Variants in PLEKHA3 observed in about 807,000 individuals in gnomAD.
PLEKHA3 encodes the protein pleckstrin homology domain-containing family A member 3.
PLEKHA3 carries 19 observed loss-of-function variants against 39.2 expected under a neutral mutation model. The observed-to-expected ratio is 0.48, with a 90% CI of 0.34 to 0.71. The LOEUF (loss-of-function observed/expected upper bound fraction) is 0.71. Among genes scored for constraint, PLEKHA3 ranks in the 30% least tolerant of loss-of-function variants. PLEKHA3 has a pLI of 0.01. For synonymous variants in PLEKHA3, 97 were observed against 118.6 expected, an observed-to-expected ratio of 0.82 and a Z score of 1.18; for missense variants, 253 against 359.5, an observed-to-expected ratio of 0.70 and a Z score of 2.40.
intron 3 of PLEKHA3, among the ~76,000 whole-genome samples, 196 bp downstream of exon 3, chr2:178,491,010 CTT>C (rs1204723389): frequency 6.2e-5 from 8 of 129,478 alleles, no homozygotes; most frequent in Admixed American, 8.0e-5. Context: ...CTCTTTCTTT[CTT>C]TTTTTTTTTT....
intron 1 of PLEKHA3, among the ~76,000 whole-genome samples, chr2:178,483,480 G>T (rs1339731857): frequency 6.6e-6 from 1 of 152,082 alleles, no homozygotes; most frequent in African/African-American, 2.4e-5. Context: ...ATAATTAACA[G>T]GCTTGATTAT....
rs369260656 is a variant in PLEKHA3 at position 178,485,238 on chromosome 2, A to G, written c.41-403A>G. On this transcript the variant is annotated intron_variant, in intron 1 of 7. Transcript: ENST00000234453. ...TGATTATCCATTAAAGAATGATACT[A>G]TAGGTAAGGCTAGAACCCTTGTCTT... Among the ~76,000 whole-genome samples the G allele has an allele frequency of 5.3e-5, 8 of 152,346 alleles. No homozygotes were observed. The South Asian group carries it at 1.7e-3, about 32-fold the overall frequency.
In PLEKHA3 at chr2:178,509,480, T is replaced by A. The variant is rs1685650032; in HGVS notation, c.*5593T>A. On this transcript the variant is annotated 3_prime_UTR_variant, in exon 8 of 8. Transcript: ENST00000234453. ...CATTATTATTATTACTACTATCAGT[T>A]TTTTTTTTTTTTTCTGAGACAGGGT... is the stretch of plus-strand genomic sequence containing the variant. 1 of 149,294 alleles carries A rather than the reference T, an allele frequency of 6.7e-6. No homozygotes were observed. Among genetic ancestry groups the A allele is most frequent in the East Asian group, 1.9e-4 (1 of 5,146 alleles). 9.2% of individuals were successfully genotyped at this position (149,294 alleles called of 1,614,324 possible).
intron 4 of PLEKHA3, 58 bp from the exon 5 acceptor site, chr2:178,495,438 G>T: frequency 1.3e-6 from 2 of 1,483,998 alleles, no homozygotes; most frequent in Non-Finnish European, 9.4e-7. Context: ...TGATAAGGTT[G>T]TATATGATTC....
chr2:178,495,362 A>G, intron 4 of PLEKHA3, 134 bp from the exon 5 acceptor site: 1 of 809,752 alleles, frequency 1.2e-6, no homozygotes, highest in East Asian at 2.9e-5. Context: ...TTTCTAAGGT[A>G]CTGTATTTTA....
intron 5 of PLEKHA3, among the ~76,000 whole-genome samples, chr2:178,497,845 C>T (rs111882666): frequency 0.075 from 11,323 of 151,832 alleles, 505 homozygotes; most frequent in South Asian, 0.098. Flanking sequence ...CTCTGTAGTC[C>T]AGAGAAGTCA....
At chr2:178,500,746 T>A (rs1036440998) in intron 6 of PLEKHA3, among the ~76,000 whole-genome samples, 1 of 152,114 alleles carries the variant, frequency 6.6e-6, no homozygotes, top group Admixed American at 6.6e-5. Context: ...ATGAAACCTA[T>A]GACTTCTAGT....
intron 5 of PLEKHA3, among the ~76,000 whole-genome samples, chr2:178,498,034 CAATTT>C (rs1456443128): frequency 4.6e-5 from 7 of 151,876 alleles, no homozygotes; most frequent in Admixed American, 4.6e-4. Flanking sequence ...TATTCCAAAA[CAATTT>C]AATCTGATCT....
rs1328221796 is a variant in PLEKHA3, at chr2:178,507,520, T to A, written c.*3633T>A. On this transcript the variant is annotated 3_prime_UTR_variant, in exon 8 of 8. Transcript: ENST00000234453. ...GTATCAATTCTCTTAAAAAAGTTTT[T>A]AAAAATATTTTGTCATCCTTTAGGG... is the stretch of plus-strand genomic sequence containing the variant. 8.5e-5 allele frequency: 13 copies of A among 152,320 alleles called. No homozygotes were observed. Among genetic ancestry groups the A allele is most frequent in the African/African-American group, 2.4e-4 (10 of 41,540 alleles). 9.4% of individuals were successfully genotyped at this position (152,320 alleles called of 1,614,324 possible).
At position 178,493,939 on chromosome 2, in the gene PLEKHA3, A is replaced by T; in HGVS notation, c.400A>T (p.Ile134Leu). 6.2e-7 allele frequency: 1 copy of T among 1,614,112 alleles called. No homozygotes were observed. Among genetic ancestry groups the T allele is most frequent in the East Asian group, 2.2e-5 (1 of 44,880 alleles). ...CCTCTTAATGCAGCAAGTTCATACA[A>T]TACAGGAATTTGTTCACCATGATGA... ...CDLLMQQVHT[I>L]QEFVHHDENH... Residue 134 changes from isoleucine (I) to leucine (L), a missense_variant, in exon 4 of 8, where the codon ATA becomes TTA. Coordinates refer to ENST00000234453, the MANE Select transcript of PLEKHA3 (RefSeq NM_019091.4).
chr2:178,502,593 C>CT (rs763874878), intron 7 of PLEKHA3: 888 of 147,674 alleles, frequency 6.0e-3, no homozygotes, highest in African/African-American at 9.0e-3. Context: ...AGTGCGACAT[C>CT]TTTTTTTTTT....
rs1385877340 is a variant in PLEKHA3, at chr2:178,504,063, G to A, written c.*176G>A. Reference sequence around the variant, plus strand: ...TTGAAGTGTATTTTATCTTTATATAGTTTGTTTGCAAGAGTATTTTCCTAA... The same window carrying A: ...TTGAAGTGTATTTTATCTTTATATAATTTGTTTGCAAGAGTATTTTCCTAA... On this transcript the variant is annotated 3_prime_UTR_variant, in exon 8 of 8. Coordinates refer to ENST00000234453, the MANE Select transcript of PLEKHA3 (RefSeq NM_019091.4). 7.2e-6 allele frequency: 4 copies of A among 554,228 alleles called. No individual in the cohort carries two copies. Among genetic ancestry groups the A allele is most frequent in the Non-Finnish European group, 1.2e-5 (4 of 344,964 alleles). The allele number at this position is 554,228 out of a possible 1,614,324, so 34.3% of individuals were successfully genotyped here. A position where few individuals can be genotyped will look rare whatever the true frequency, so the allele number is the denominator to read the frequency against.
intron 5 of PLEKHA3, among the ~76,000 whole-genome samples, chr2:178,497,420 C>T (rs942608447): frequency 9.9e-5 from 15 of 151,814 alleles, no homozygotes; most frequent in Non-Finnish European, 1.5e-4. Flanking sequence ...TTAGTAGAGA[C>T]GGGGTTTCAC....
At chr2:178,482,273 A>T (rs932548268) in intron 1 of PLEKHA3, among the ~76,000 whole-genome samples, 3 of 152,132 alleles carry the variant, frequency 2.0e-5, no homozygotes, top group African/African-American at 7.2e-5. Context: ...AGAGTGCTTC[A>T]TGCTTGTAAT....
chr2:178,493,920 A>G lies in PLEKHA3; in HGVS notation c.381A>G (p.Leu127=), dbSNP rs1381008339. 1 of 1,613,936 alleles carries G rather than the reference A, an allele frequency of 6.2e-7. No homozygotes were observed. The highest frequency in any genetic ancestry group is 2.2e-5 in the East Asian group (1 of 44,900). The change falls in exon 4 of 8, where the codon TTA becomes TTG. Residue 127 remains leucine (L), a synonymous_variant. Transcript: ENST00000234453. ...MSELRLYCDL[L]MQQVHTIQEF... Reference sequence around the variant, plus strand: ...AACTTCGCCTCTACTGTGACCTCTTAATGCAGCAAGTTCATACAATACAGG... The same window carrying G: ...AACTTCGCCTCTACTGTGACCTCTTGATGCAGCAAGTTCATACAATACAGG...
rs1685707687 is a variant in PLEKHA3, at chr2:178,512,753, A to G, written c.*8866A>G. On this transcript the variant is annotated 3_prime_UTR_variant, in exon 8 of 8. Coordinates refer to ENST00000234453, the MANE Select transcript of PLEKHA3 (RefSeq NM_019091.4). ...CTTTTCAGTCCCGCTCAGTGCTGCC[A>G]TCTTTTTCTCCCAGCACTCTGGACT... 1 of 153,770 alleles carries G rather than the reference A, an allele frequency of 6.5e-6. No homozygotes were observed. The highest frequency in any genetic ancestry group is 2.4e-5 in the African/African-American group (1 of 41,454). 9.5% of individuals were successfully genotyped at this position (153,770 alleles called of 1,614,324 possible). A position where few individuals can be genotyped will look rare whatever the true frequency, so the allele number is the denominator to read the frequency against.
intron 1 of PLEKHA3, among the ~76,000 whole-genome samples, chr2:178,481,174 C>T (rs1455398151): frequency 6.6e-6 from 1 of 152,176 alleles, no homozygotes; most frequent in Non-Finnish European, 1.5e-5. Flanking sequence ...AGGAACAATT[C>T]TCAGTCACCC....
chr2:178,514,347 G>A lies in PLEKHA3; in HGVS notation c.*10460G>A, dbSNP rs1413354080. On this transcript the variant is annotated 3_prime_UTR_variant, in exon 8 of 8. Transcript: ENST00000234453. Reference sequence around the variant, plus strand: ...AAGAGGGTGTGGGGAATGGTGGCAGGGGTAACTATCATCGAGAATATAGGG... The same window carrying A: ...AAGAGGGTGTGGGGAATGGTGGCAGAGGTAACTATCATCGAGAATATAGGG... 6.6e-6 allele frequency: 1 copy of A among 152,002 alleles called. No individual in the cohort carries two copies. The highest frequency in any genetic ancestry group is 2.4e-5 in the African/African-American group (1 of 41,382). 9.4% of individuals were successfully genotyped at this position (152,002 alleles called of 1,614,324 possible).
chr2:178,481,844 G>GC (rs1197011318), intron 1 of PLEKHA3: 2 of 82,512 alleles, frequency 2.4e-5, no homozygotes, highest in Non-Finnish European at 4.8e-5. Flanking sequence ...AGATTTTTTG[G>GC]GGGGGGGGGG....
Sources: gnomAD v4.1 joint callset for allele counts (sites outside exome capture counted in the v4.1 genomes callset) on GRCh38, gnomAD v4.1.1 for gene constraint, MANE v1.5 for transcripts, NCBI Gene and HGNC (gene_info 2026-07-23, HGNC 2026-07-21) for gene names.